Variants in COL22A1 observed in about 807,000 individuals in gnomAD.
COL22A1 encodes collagen type XXII alpha 1 chain, also known as collagen alpha-1(XXII) chain.
Under a neutral mutation model 248.9 loss-of-function variants are expected in COL22A1, and 221 were observed. The observed-to-expected ratio is 0.89, with a 90% CI of 0.80 to 0.99. The LOEUF is 0.99. Among genes scored for constraint, COL22A1 ranks in the 50% least tolerant of loss-of-function variants. The pLI is 0.00. For missense variants in COL22A1, 2,240 were observed against 2,179.0 expected (o/e 1.03, Z -0.56); for synonymous variants, 891 against 793.4 (o/e 1.12, Z -2.07).
At chr8:138,597,172 G>A (rs1206928417) in intron 61 of COL22A1, among the ~76,000 whole-genome samples, 1 of 152,114 alleles carries the variant, frequency 6.6e-6, no homozygotes, top group Non-Finnish European at 1.5e-5. Context: ...ATTTTACACA[G>A]CAACCCGGAC....
intron 22 of COL22A1, among the ~76,000 whole-genome samples, chr8:138,738,380 A>G (rs1287559159): frequency 1.3e-5 from 2 of 152,188 alleles, no homozygotes; most frequent in South Asian, 2.1e-4. Flanking sequence ...TGTATAACAG[A>G]GGTTATCTGA....
intron 18 of COL22A1, among the ~76,000 whole-genome samples, chr8:138,757,166 A>T (rs1833077610): frequency 6.6e-6 from 1 of 152,176 alleles, no homozygotes; most frequent in South Asian, 2.1e-4. Context: ...ATACACTCAG[A>T]TCCCAGCGCG....
intron 3 of COL22A1, among the ~76,000 whole-genome samples, chr8:138,872,117 C>T (rs867129912): frequency 2.0e-5 from 3 of 152,136 alleles, no homozygotes; most frequent in Admixed American, 6.5e-5. Flanking sequence ...ATTTTCCCAG[C>T]GAGAACCACA....
intron 34 of COL22A1, 23 bp downstream of exon 34, chr8:138,694,485 A>C: frequency 6.2e-7 from 1 of 1,612,190 alleles, no homozygotes; most frequent in Non-Finnish European, 8.5e-7. Flanking sequence ...CTGAGCCAGC[A>C]GGGGAAGGGA....
chr8:138,795,112 C>G (rs1247423526), intron 12 of COL22A1, among the ~76,000 whole-genome samples: 1 of 151,894 alleles, frequency 6.6e-6, no homozygotes, highest in African/African-American at 2.4e-5. Flanking sequence ...AAGTGTAAAA[C>G]AAGAAAGTAG....
intron 12 of COL22A1, among the ~76,000 whole-genome samples, chr8:138,784,994 G>A (rs998107908): frequency 2.0e-5 from 3 of 152,156 alleles, no homozygotes; most frequent in East Asian, 1.9e-4. Flanking sequence ...TAAGCTAAGC[G>A]TTGCTATCCT....
chr8:138,763,706 T>C (rs1312825282), intron 16 of COL22A1, among the ~76,000 whole-genome samples: 7 of 152,168 alleles, frequency 4.6e-5, no homozygotes, highest in Admixed American at 4.6e-4. Context: ...ACACAGCCAC[T>C]TTGTTCCGGC....
intron 3 of COL22A1, 77 bp from the exon 4 acceptor site, chr8:138,844,235 A>T (rs1312935031): frequency 1.5e-6 from 2 of 1,335,346 alleles, no homozygotes; most frequent in Admixed American, 1.7e-5. Context: ...GACAGCACAC[A>T]AGACCCCACC....
chr8:138,640,044 T>A (rs1216636114), intron 47 of COL22A1, among the ~76,000 whole-genome samples: 1 of 152,252 alleles, frequency 6.6e-6, no homozygotes, highest in Non-Finnish European at 1.5e-5. Flanking sequence ...ACAACACGTA[T>A]GTGATAGGTG....
chr8:138,762,303 A>G, intron 17 of COL22A1, 110 bp downstream of exon 17: 1 of 1,057,642 alleles, frequency 9.5e-7, no homozygotes. Context: ...CCAGCTGAGC[A>G]AGGAGGAGGC....
intron 25 of COL22A1, chr8:138,722,301 C>G: frequency 1.7e-6 from 1 of 573,380 alleles, no homozygotes; most frequent in Non-Finnish European, 3.1e-6. Flanking sequence ...ATATCACCCT[C>G]TGGGCAATGT....
At chr8:138,706,495 A>G (rs145390502) in intron 30 of COL22A1, among the ~76,000 whole-genome samples, 6,587 of 152,200 alleles carry the variant, frequency 0.043, 194 homozygotes, top group East Asian at 0.12. Context: ...ACTCAAAACC[A>G]CTCAACCACA....
chr8:138,890,418 G>T (rs984447379), intron 1 of COL22A1, among the ~76,000 whole-genome samples: 3 of 152,142 alleles, frequency 2.0e-5, no homozygotes, highest in African/African-American at 7.2e-5. Context: ...ACTTGAAAAG[G>T]AAGAGGTAAA....
At chr8:138,601,794 G>A (rs953362212) in intron 60 of COL22A1, among the ~76,000 whole-genome samples, 2 of 152,224 alleles carry the variant, frequency 1.3e-5, no homozygotes, top group Non-Finnish European at 1.5e-5. Flanking sequence ...TCGCACACGG[G>A]GAGAAAGAAA....
At chr8:138,794,185 G>A (rs1816299122) in intron 12 of COL22A1, among the ~76,000 whole-genome samples, 2 of 152,216 alleles carry the variant, frequency 1.3e-5, no homozygotes, top group African/African-American at 2.4e-5. Context: ...TCAAGAGCTC[G>A]AGACCATCCT....
At chr8:138,680,140 C>A (rs1191842105) in intron 39 of COL22A1, among the ~76,000 whole-genome samples, 2 of 152,106 alleles carry the variant, frequency 1.3e-5, no homozygotes, top group African/African-American at 4.8e-5. Context: ...CAGGAAAAGC[C>A]AGAAGGCTAA....
At chr8:138,610,905 A>G (rs13251371) in intron 56 of COL22A1, among the ~76,000 whole-genome samples, 93,953 of 151,956 alleles carry the variant, frequency 0.62, 31,713 homozygotes, top group Middle Eastern at 0.81. Context: ...ATCTACAAAC[A>G]TTTTTTTTAA....
At chr8:138,729,837 C>T (rs1011350083) in intron 23 of COL22A1, among the ~76,000 whole-genome samples, 4 of 152,096 alleles carry the variant, frequency 2.6e-5, no homozygotes, top group Non-Finnish European at 5.9e-5. Context: ...GCAGCCGCCT[C>T]GCCTTGGGGG....
intron 6 of COL22A1, among the ~76,000 whole-genome samples, chr8:138,824,925 T>C (rs1009919025): frequency 6.6e-6 from 1 of 152,158 alleles, no homozygotes; most frequent in African/African-American, 2.4e-5. Context: ...CTCTCCATGG[T>C]TCTGTGGTAT....
Sources: gnomAD v4.1 joint callset for allele counts (sites outside exome capture counted in the v4.1 genomes callset) on GRCh38, gnomAD v4.1.1 for gene constraint, MANE v1.5 for transcripts, NCBI Gene and HGNC (gene_info 2026-07-23, HGNC 2026-07-21) for gene names.